Variants in ROCK2 observed in about 807,000 individuals in gnomAD.
ROCK2 encodes rho-associated protein kinase 2.
Under a neutral mutation model 195.1 loss-of-function variants are expected in ROCK2, and 61 were observed. That is an observed-to-expected ratio of 0.31 (90% CI 0.25 to 0.39). The LOEUF (loss-of-function observed/expected upper bound fraction) is 0.39. Ranked by LOEUF, ROCK2 falls within the 10% of genes least tolerant of loss-of-function variation. The pLI, the probability that ROCK2 is intolerant of heterozygous loss-of-function variation, is 1.00. For missense variants in ROCK2, 1,109 were observed against 1,637.4 expected (o/e 0.68, Z 5.57); for synonymous variants, 504 against 545.5 (o/e 0.92, Z 1.06).
chr2:11,307,204 C>G (rs527288817), intron 1 of ROCK2, among the ~76,000 whole-genome samples: 2 of 152,338 alleles, frequency 1.3e-5, no homozygotes, highest in Admixed American at 1.3e-4. Context: ...ATGAAGTAGT[C>G]AAATCAGTAG....
Position 11,259,190 on chromosome 2 carries a change from A to C in ROCK2, c.325-9392T>G, listed in dbSNP as rs555948417. ...GCTGAGAATTACATTAAAATAATAA[A>C]TATTCCTTTGATACCTACACTAGCA... On this transcript the variant is annotated intron_variant, in intron 3 of 32. Coordinates refer to ENST00000315872, the MANE Select transcript of ROCK2 (RefSeq NM_004850.5). Among the ~76,000 whole-genome samples the C allele has an allele frequency of 2.8e-4, 43 of 151,482 alleles. No individual in the cohort carries two copies. The South Asian group carries it at 8.7e-3, about 31-fold the overall frequency.
rs1204697862 is a variant in ROCK2, at chr2:11,181,976, T to TA, written c.*1460dup. The TA allele has an allele frequency of 6.6e-6, 1 of 150,536 alleles. No homozygotes were observed. The highest frequency in any genetic ancestry group is 1.5e-5 in the Non-Finnish European group (1 of 67,722). The allele number at this position is 150,536 out of a possible 1,614,324, so 9.3% of individuals were successfully genotyped here. A position where few individuals can be genotyped will look rare whatever the true frequency, so the allele number is the denominator to read the frequency against. ...TCATACCAAACTCTGTGTATTTATA[T>TA]AAAGAGAGACTGTTAAAAGACTTCA... On this transcript the variant is annotated 3_prime_UTR_variant, in exon 33 of 33. Transcript: ENST00000315872.
At chr2:11,254,242 A>C (rs1003194506) in intron 3 of ROCK2, among the ~76,000 whole-genome samples, 1 of 152,324 alleles carries the variant, frequency 6.6e-6, no homozygotes, top group Non-Finnish European at 1.5e-5. Flanking sequence ...AATAAACACA[A>C]GACTGTAATT....
intron 10 of ROCK2, 102 bp from the exon 11 acceptor site, chr2:11,218,568 G>A (rs766281726): frequency 9.8e-5 from 75 of 764,920 alleles, no homozygotes; most frequent in Non-Finnish European, 2.0e-5. Flanking sequence ...CCAACCTAAT[G>A]CTTTAGCTTT....
chr2:11,343,754 G>T (rs934027670), intron 1 of ROCK2, among the ~76,000 whole-genome samples: 9 of 152,208 alleles, frequency 5.9e-5, no homozygotes, highest in Non-Finnish European at 1.2e-4. Context: ...AGTGCTGCAA[G>T]AAAGGAGCAG....
intron 3 of ROCK2, among the ~76,000 whole-genome samples, chr2:11,265,120 G>C (rs7558664): frequency 0.73 from 111,125 of 151,646 alleles, 42,520 homozygotes; most frequent in East Asian, 0.94. Context: ...TGAAGACCTA[G>C]GTTACTAAAT....
intron 3 of ROCK2, among the ~76,000 whole-genome samples, chr2:11,257,508 A>G (rs1666077750): frequency 6.6e-6 from 1 of 151,494 alleles, no homozygotes. Context: ...GAGCACGTAC[A>G]ACATGTTTTG....
chr2:11,227,124 T>C lies in ROCK2; in HGVS notation c.868+130A>G, dbSNP rs866470675. ...AGTCTGCCCTATCAGATACTACTAA[T>C]TCAAAGTTTCCAGAAATCTAATTCT... On this transcript the variant is annotated intron_variant, in intron 6 of 32. Coordinates refer to ENST00000315872, the MANE Select transcript of ROCK2 (RefSeq NM_004850.5). 1.9e-4 allele frequency: 156 copies of C among 837,796 alleles called. 3 individuals are homozygous for C. In the Middle Eastern group the frequency reaches 0.01, roughly 54 times the overall value. The allele number at this position is 837,796 out of a possible 1,614,324, so 51.9% of individuals were successfully genotyped here.
chr2:11,327,203 C>A (rs1009096432), intron 1 of ROCK2, among the ~76,000 whole-genome samples: 9 of 152,044 alleles, frequency 5.9e-5, no homozygotes, highest in African/African-American at 1.4e-4. Context: ...AGGATTCTGG[C>A]AAGAAGTTTA....
chr2:11,273,557 C>T (rs1166120983), intron 3 of ROCK2, among the ~76,000 whole-genome samples: 2 of 152,080 alleles, frequency 1.3e-5, no homozygotes, highest in Non-Finnish European at 2.9e-5. Context: ...TAGTTGGAGA[C>T]TTTCATTCTC....
At chr2:11,345,161 G>C (rs1463130436), upstream of ROCK2, among the ~76,000 whole-genome samples, 1 of 152,234 alleles carries the variant, frequency 6.6e-6, no homozygotes, top group Non-Finnish European at 1.5e-5. Flanking sequence ...GCGAGCCTGA[G>C]AGGGGGCCCT....
In ROCK2 at chr2:11,194,247, A is replaced by G; in HGVS notation, c.3608+9T>C. 1 of 1,234,200 alleles carries G rather than the reference A, an allele frequency of 8.1e-7. No homozygotes were observed. The highest frequency in any genetic ancestry group is 1.8e-5 in the South Asian group (1 of 56,984). 76.5% of individuals were successfully genotyped at this position (1,234,200 alleles called of 1,614,324 possible). On this transcript the variant is annotated intron_variant, in intron 29 of 32. Transcript: ENST00000315872. ...TATAGTTTCTAAATATTCTAACAAA[A>G]ACACTTACTCTATATCTAAAACCAT...
chr2:11,236,481 C>T (rs777179620), intron 4 of ROCK2, among the ~76,000 whole-genome samples: 4 of 152,016 alleles, frequency 2.6e-5, no homozygotes, highest in Non-Finnish European at 4.4e-5. Context: ...TTGGAAGACG[C>T]GTAACTCTTC....
In ROCK2 at chr2:11,181,964, T is replaced by G. The variant is rs1449006713; in HGVS notation, c.*1473A>C. ...TGTATTTAAATATCATACCAAACTC[T>G]GTGTATTTATATAAAGAGAGACTGT... On this transcript the variant is annotated 3_prime_UTR_variant, in exon 33 of 33. Transcript: ENST00000315872. 2 of 151,774 alleles carry G rather than the reference T, an allele frequency of 1.3e-5. No individual in the cohort carries two copies. The highest frequency in any genetic ancestry group is 2.4e-5 in the African/African-American group (1 of 41,302). The allele number at this position is 151,774 out of a possible 1,614,324, so 9.4% of individuals were successfully genotyped here. A position where few individuals can be genotyped will look rare whatever the true frequency, so the allele number is the denominator to read the frequency against.
At chr2:11,274,563 A>G (rs1402892115) in intron 3 of ROCK2, among the ~76,000 whole-genome samples, 1 of 152,202 alleles carries the variant, frequency 6.6e-6, no homozygotes, top group East Asian at 1.9e-4. Context: ...ACTAACTCAC[A>G]CAAAAAACCA....
chr2:11,184,618 C>T (rs1414452331), intron 32 of ROCK2: 2 of 984,592 alleles, frequency 2.0e-6, no homozygotes, highest in African/African-American at 1.7e-5. Context: ...AAACCACATG[C>T]ACTACGTTGA....
rs114554366 is a variant in ROCK2 at position 11,331,159 on chromosome 2, T to C, written c.141+12837A>G. ...TTTAATAAAAACTCAAAATAGTTTA[T>C]CTAACCTAACATTAAAAAGAAAACT... is the stretch of plus-strand genomic sequence containing the variant. On this transcript the variant is annotated intron_variant, in intron 1 of 32. Transcript: ENST00000315872. Among the ~76,000 whole-genome samples the C allele has an allele frequency of 5.9e-3, 898 of 152,304 alleles. 2 individuals are homozygous for C. The highest frequency in any genetic ancestry group is 0.021 in the African/African-American group (869 of 41,550).
At chr2:11,208,097 T>C (rs1476074011) in intron 19 of ROCK2, among the ~76,000 whole-genome samples, 187 bp from the exon 20 acceptor site, 1 of 151,354 alleles carries the variant, frequency 6.6e-6, no homozygotes, top group Non-Finnish European at 1.5e-5. Context: ...TAAAATATAA[T>C]AAGGTAAATA....
chr2:11,268,082 CAG>C (rs746773120), intron 3 of ROCK2, among the ~76,000 whole-genome samples: 53 of 152,070 alleles, frequency 3.5e-4, no homozygotes, highest in Admixed American at 2.0e-3. Context: ...ATCCAAAAGA[CAG>C]GGGAGAACAC....
Sources: allele counts gnomAD v4.1 joint callset (sites outside exome capture counted in the v4.1 genomes callset), GRCh38; gene constraint gnomAD v4.1.1; transcripts MANE v1.5; gene names NCBI Gene and HGNC (gene_info 2026-07-23, HGNC 2026-07-21).